Variants in INPP4B observed in about 807,000 individuals in gnomAD.
The protein encoded by INPP4B is inositol polyphosphate-4-phosphatase type II B.
INPP4B carries 55 observed loss-of-function variants against 122.5 expected under a neutral mutation model. The observed-to-expected ratio is 0.45, with a 90% CI of 0.36 to 0.56. The LOEUF (loss-of-function observed/expected upper bound fraction) is 0.56. Ranked by LOEUF, INPP4B falls within the 20% of genes least tolerant of loss-of-function variation. The probability of loss-of-function intolerance (pLI) is 0.00; values close to 1 mark genes in which losing one functional copy is unlikely to be tolerated. For missense variants in INPP4B, 1,000 were observed against 1,097.7 expected, an observed-to-expected ratio of 0.91 and a Z score of 1.26; for synonymous variants, 403 against 388.7, an observed-to-expected ratio of 1.04 and a Z score of -0.43.
chr4:142,565,836 T>C (rs1396664926), intron 2 of INPP4B, among the ~76,000 whole-genome samples: 4 of 152,202 alleles, frequency 2.6e-5, no homozygotes, highest in Non-Finnish European at 5.9e-5. Flanking sequence ...ATAAGACATG[T>C]TGATAAGGTC....
At chr4:142,320,727 A>G (rs1388482151) in intron 7 of INPP4B, among the ~76,000 whole-genome samples, 1 of 152,100 alleles carries the variant, frequency 6.6e-6, no homozygotes, top group African/African-American at 2.4e-5. Flanking sequence ...GCTCCCATTT[A>G]TAAGTGAGAA....
At chr4:142,187,490 T>C (rs933784991) in intron 15 of INPP4B, among the ~76,000 whole-genome samples, 1 of 152,068 alleles carries the variant, frequency 6.6e-6, no homozygotes, top group African/African-American at 2.4e-5. Context: ...ATTATATTCA[T>C]ATTATGTGTA....
At chr4:142,521,291 A>T (rs964446319) in intron 2 of INPP4B, among the ~76,000 whole-genome samples, 4 of 151,948 alleles carry the variant, frequency 2.6e-5, no homozygotes, top group African/African-American at 9.7e-5. Flanking sequence ...GTAAAATAAG[A>T]TTGGGAAATA....
chr4:142,140,643 C>A (rs779343257), intron 18 of INPP4B, among the ~76,000 whole-genome samples: 1 of 152,154 alleles, frequency 6.6e-6, no homozygotes, highest in Admixed American at 6.5e-5. Context: ...TACTCAAAGG[C>A]ATTTTATACT....
At chr4:142,779,493 T>G (rs1236984499) in intron 1 of INPP4B, among the ~76,000 whole-genome samples, 1 of 152,120 alleles carries the variant, frequency 6.6e-6, no homozygotes, top group East Asian at 1.9e-4. Flanking sequence ...TACTATCTTA[T>G]CAGAAAGTTT....
At chr4:142,593,608 G>A (rs929617949) in intron 2 of INPP4B, among the ~76,000 whole-genome samples, 2 of 151,948 alleles carry the variant, frequency 1.3e-5, no homozygotes, top group Non-Finnish European at 2.9e-5. Context: ...TCACCACCCT[G>A]TAGCCTGGTG....
At chr4:142,244,984 G>A (rs1174852402) in intron 11 of INPP4B, among the ~76,000 whole-genome samples, 1 of 152,202 alleles carries the variant, frequency 6.6e-6, no homozygotes, top group Non-Finnish European at 1.5e-5. Flanking sequence ...CAGTGATGAT[G>A]AGTTATTTTT....
intron 2 of INPP4B, among the ~76,000 whole-genome samples, chr4:142,690,630 T>A (rs1760039557): frequency 1.3e-5 from 2 of 152,208 alleles, no homozygotes; most frequent in Non-Finnish European, 2.9e-5. Context: ...TGCAGAGAAC[T>A]GCTGGAGAAC....
chr4:142,608,627 G>A (rs1741811148), intron 2 of INPP4B, among the ~76,000 whole-genome samples: 1 of 152,026 alleles, frequency 6.6e-6, no homozygotes, highest in Non-Finnish European at 1.5e-5. Context: ...GGTTACAGAA[G>A]TACCCTTTGG....
chr4:142,427,682 C>T (rs1248764788), intron 5 of INPP4B, among the ~76,000 whole-genome samples: 2 of 152,016 alleles, frequency 1.3e-5, no homozygotes, highest in South Asian at 2.1e-4. Context: ...TTCAGATTCC[C>T]TCTTTCTCCA....
At chr4:142,569,802 A>G (rs539374905) in intron 2 of INPP4B, among the ~76,000 whole-genome samples, 1 of 152,302 alleles carries the variant, frequency 6.6e-6, no homozygotes, top group South Asian at 2.1e-4. Flanking sequence ...TGAAAAATGA[A>G]GGATGCTTTC....
At chr4:142,721,948 A>T (rs1460694853) in intron 2 of INPP4B, among the ~76,000 whole-genome samples, 1 of 152,186 alleles carries the variant, frequency 6.6e-6, no homozygotes, top group Non-Finnish European at 1.5e-5. Context: ...CTTCAATGGA[A>T]ATCCTGGAGA....
chr4:142,237,895 T>C lies in INPP4B; in HGVS notation c.805A>G (p.Ile269Val). 6.3e-7 allele frequency: 1 copy of C among 1,574,882 alleles called. No homozygotes were observed. Among genetic ancestry groups the C allele is most frequent in the Non-Finnish European group, 8.7e-7 (1 of 1,149,584 alleles). Residue 269 changes from isoleucine (I) to valine (V), a missense_variant, in exon 12 of 26, where the codon ATT (isoleucine) becomes GTT (valine). Transcript: ENST00000262992. Reference sequence around the variant, plus strand: ...AAATCTTCTTTAATGTGAAGGGAAATCAATTCCTTAGGAATATGAAAGGAA... The same window carrying C: ...AAATCTTCTTTAATGTGAAGGGAAACCAATTCCTTAGGAATATGAAAGGAA... ...ILSFHIPKEL[I>V]SLHIKEDLCR...
intron 9 of INPP4B, among the ~76,000 whole-genome samples, chr4:142,297,292 T>C (rs965886063): frequency 6.6e-6 from 1 of 152,224 alleles, no homozygotes; most frequent in Non-Finnish European, 1.5e-5. Context: ...CACGCCTTCC[T>C]TGGATAATAG....
rs115070487 is a variant in INPP4B at position 142,623,545 on chromosome 4, C to T, written c.-191+102294G>A. On this transcript the variant is annotated intron_variant, in intron 2 of 25. Coordinates refer to ENST00000262992, the MANE Select transcript of INPP4B (RefSeq NM_001101669.3). ...ACATTTCCATTCCTTGTTATACAGGCCTGTATAATTCACTCCTTTTTTAAA... is the reference window on the plus strand; with the variant it reads ...ACATTTCCATTCCTTGTTATACAGGTCTGTATAATTCACTCCTTTTTTAAA... Among the ~76,000 whole-genome samples, 549 of 151,968 alleles carry T rather than the reference C, an allele frequency of 3.6e-3. 6 individuals are homozygous for T. Among genetic ancestry groups the T allele is most frequent in the East Asian group, 0.018 (94 of 5,146 alleles).
At chr4:142,575,357 A>G (rs1733628070) in intron 2 of INPP4B, among the ~76,000 whole-genome samples, 1 of 152,114 alleles carries the variant, frequency 6.6e-6, no homozygotes, top group African/African-American at 2.4e-5. Flanking sequence ...AGGATTTTGA[A>G]GACCTGTTGT....
chr4:142,122,047 G>C, intron 21 of INPP4B, 81 bp downstream of exon 21: 1 of 852,446 alleles, frequency 1.2e-6, no homozygotes, highest in Non-Finnish European at 1.9e-6. Flanking sequence ...AATCAAACCT[G>C]AATTCTCCTT....
At chr4:142,762,856 G>A (rs770189661) in intron 1 of INPP4B, among the ~76,000 whole-genome samples, 2 of 152,106 alleles carry the variant, frequency 1.3e-5, no homozygotes, top group Non-Finnish European at 2.9e-5. Context: ...CTTTTAGGAG[G>A]TGATTACATC....
rs1350006027 is a variant in INPP4B at position 142,682,577 on chromosome 4, C to T, written c.-191+43262G>A. Among the ~76,000 whole-genome samples, 4 of 151,716 alleles carry T rather than the reference C, an allele frequency of 2.6e-5. No homozygotes were observed. The South Asian group carries it at 6.2e-4, about 24-fold the overall frequency. ...CTAATTCACCAATAACATTTTATAC[C>T]TAAAACAGTGTCACTTTCATGCAAA... On this transcript the variant is annotated intron_variant, in intron 2 of 25. Transcript: ENST00000262992.
Sources: allele counts gnomAD v4.1 joint callset (sites outside exome capture counted in the v4.1 genomes callset), GRCh38; gene constraint gnomAD v4.1.1; transcripts MANE v1.5; gene names NCBI Gene and HGNC (gene_info 2026-07-23, HGNC 2026-07-21).